ADGRE5: variants seen among roughly 807,000 people sequenced by gnomAD.
ADGRE5 encodes adhesion G protein-coupled receptor E5, also known as CD97 molecule.
A neutral mutation model predicts 100.3 loss-of-function variants in ADGRE5; 72 were observed. The observed-to-expected ratio is 0.72, with a 90% CI of 0.59 to 0.87. The LOEUF (loss-of-function observed/expected upper bound fraction) is 0.87. Among genes scored for constraint, ADGRE5 ranks in the 40% least tolerant of loss-of-function variants. The probability of loss-of-function intolerance (pLI) is 0.00; values close to 1 mark genes in which losing one functional copy is unlikely to be tolerated. For missense variants in ADGRE5, 959 were observed against 1,094.7 expected, an observed-to-expected ratio of 0.88 and a Z score of 1.75; for synonymous variants, 439 against 447.8, an observed-to-expected ratio of 0.98 and a Z score of 0.25.
chr19:14,386,749 C>T (rs1975372118), intron 1 of ADGRE5, among the ~76,000 whole-genome samples: 1 of 147,278 alleles, frequency 6.8e-6, no homozygotes, highest in African/African-American at 2.5e-5. Flanking sequence ...CACGGTGGCT[C>T]ACGCCTGTAA....
chr19:14,388,250 A>G (rs2146348172), intron 1 of ADGRE5, among the ~76,000 whole-genome samples, 200 bp from the exon 2 acceptor site: 2 of 151,850 alleles, frequency 1.3e-5, no homozygotes, highest in Middle Eastern at 3.4e-3. Context: ...AAAACAAAAA[A>G]ACCCGCCCCT....
chr19:14,401,649 T>C lies in ADGRE5; in HGVS notation c.1076-4T>C. 6.2e-7 allele frequency: 1 copy of C among 1,601,156 alleles called. No individual in the cohort carries two copies. Among genetic ancestry groups the C allele is most frequent in the Non-Finnish European group, 8.5e-7 (1 of 1,173,484 alleles). On this transcript the variant is annotated splice_polypyrimidine_tract_variant and splice_region_variant and intron_variant, in intron 10 of 19. Coordinates refer to ENST00000242786, the MANE Select transcript of ADGRE5 (RefSeq NM_078481.4). The surrounding 1 kb of genome is among the most constrained non-coding windows in gnomAD (Gnocchi z 4.1). Reference sequence around the variant, plus strand: ...CCTAATCACAACTGCCCCTCTCCCCTCAGAGCTGACCCTGATGATCCAGGA... The same window carrying C: ...CCTAATCACAACTGCCCCTCTCCCCCCAGAGCTGACCCTGATGATCCAGGA...
chr19:14,401,817 G>T lies in ADGRE5; in HGVS notation c.1183+57G>T. 8.2e-7 allele frequency: 1 copy of T among 1,225,786 alleles called. No homozygotes were observed. The highest frequency in any genetic ancestry group is 1.5e-5 in the South Asian group (1 of 66,692). 75.9% of individuals were successfully genotyped at this position (1,225,786 alleles called of 1,614,324 possible). A position where few individuals can be genotyped will look rare whatever the true frequency, so the allele number is the denominator to read the frequency against. On this transcript the variant is annotated intron_variant, in intron 11 of 19. Coordinates refer to ENST00000242786, the MANE Select transcript of ADGRE5 (RefSeq NM_078481.4). This position sits in a 1 kb window ranked among gnomAD's most constrained non-coding sequence, Gnocchi z 4.1. ...GGGAGAGAGATGGAGGTGCTGGGAT[G>T]GGGCCAGGGTGAGGTTCAGAATAGA...
chr19:14,385,769 A>ATTT (rs756579925), intron 1 of ADGRE5, among the ~76,000 whole-genome samples: 8 of 131,866 alleles, frequency 6.1e-5, no homozygotes, highest in African/African-American at 2.2e-4. Context: ...CAACACCGTC[A>ATTT]TTTTTTTTTT....
At chr19:14,399,681 G>T (rs994270586) in intron 9 of ADGRE5, among the ~76,000 whole-genome samples, 1 of 150,728 alleles carries the variant, frequency 6.6e-6, no homozygotes, top group Non-Finnish European at 1.5e-5. Flanking sequence ...GGCAGAGGTT[G>T]CAGTGAGCCA....
chr19:14,408,016 G>A lies in ADGRE5; in HGVS notation c.2478+7G>A, dbSNP rs375843291. ...TGGCCACAATCAGACCCGGGTAAGGGGCTGCGCCTGGGGCGGGTGTGGGCA... is the reference window on the plus strand; with the variant it reads ...TGGCCACAATCAGACCCGGGTAAGGAGCTGCGCCTGGGGCGGGTGTGGGCA... On this transcript the variant is annotated splice_region_variant and intron_variant, in intron 19 of 19. Transcript: ENST00000242786. 18 of 1,614,036 alleles carry A rather than the reference G, an allele frequency of 1.1e-5. No homozygotes were observed. The African/African-American group carries it at 2.4e-4, about 22-fold the overall frequency.
In ADGRE5 at chr19:14,397,208, A is replaced by G. The variant is rs1229305607; in HGVS notation, c.610A>G (p.Asn204Asp). ...TCCGGGGTCCCCCAATGGCCCAAACAATACCGTCTGTGAAGGTCGAGAGCT... is the reference window on the plus strand; with the variant it reads ...TCCGGGGTCCCCCAATGGCCCAAACGATACCGTCTGTGAAGGTCGAGAGCT... ...PIPGSPNGPN[N>D]TVCEDVDECS... The change falls in exon 6 of 20, where the codon AAT (asparagine) becomes GAT (aspartate). Residue 204 changes from asparagine to aspartate, a missense_variant. Coordinates refer to ENST00000242786, the MANE Select transcript of ADGRE5 (RefSeq NM_078481.4). 1 of 1,613,966 alleles carries G rather than the reference A, an allele frequency of 6.2e-7. No individual in the cohort carries two copies.
chr19:14,395,940 C>T (rs1054823587), intron 4 of ADGRE5, among the ~76,000 whole-genome samples: 1 of 152,206 alleles, frequency 6.6e-6, no homozygotes, highest in Non-Finnish European at 1.5e-5. Flanking sequence ...ATTTGGCCAG[C>T]GAGCGGCCGT....
chr19:14,396,879 T>C (rs1975800592), intron 5 of ADGRE5, among the ~76,000 whole-genome samples, 198 bp from the exon 6 acceptor site: 1 of 152,196 alleles, frequency 6.6e-6, no homozygotes, highest in Non-Finnish European at 1.5e-5. Flanking sequence ...CTGGGGACCA[T>C]GGTCCCTGCT....
intron 13 of ADGRE5, 163 bp from the exon 14 acceptor site, chr19:14,405,585 C>G: frequency 1.6e-6 from 1 of 610,100 alleles, no homozygotes. Context: ...TGTGAAATCC[C>G]TAGACTCCCC....
chr19:14,408,698 TTAAAATTAAACACATGCATACA>T lies in ADGRE5; in HGVS notation c.*578_*599del. ...TGTTAAAATTTTTCAGTGTTGACAC[TTAAAATTAAACACATGCATACA>T]GAAGATGGCCTTGCCTGCTGGTGGT... On this transcript the variant is annotated 3_prime_UTR_variant, in exon 20 of 20. Transcript: ENST00000242786. 5.3e-6 allele frequency: 3 copies of T among 566,922 alleles called. No homozygotes were observed. The highest frequency in any genetic ancestry group is 3.0e-6 in the Non-Finnish European group (1 of 336,300). The allele number at this position is 566,922 out of a possible 1,614,324, so 35.1% of individuals were successfully genotyped here.
intron 4 of ADGRE5, among the ~76,000 whole-genome samples, chr19:14,392,103 GA>G (rs571212543): frequency 0.18 from 11,906 of 64,510 alleles, 724 homozygotes; most frequent in African/African-American, 0.29. Context: ...GACTCTGTCT[GA>G]AAAAAAAAAA....
Position 14,401,750 on chromosome 19 carries a change from C to T in ADGRE5, c.1173C>T (p.Ala391=), listed in dbSNP as rs775192070. The T allele has an allele frequency of 5.8e-6, 9 of 1,552,426 alleles. No homozygotes were observed. Among genetic ancestry groups the T allele is most frequent in the South Asian group, 2.5e-5 (2 of 80,722 alleles). The change falls in exon 11 of 20, where the codon GCC becomes GCT. Residue 391 remains alanine, a synonymous_variant. Coordinates refer to ENST00000242786, the MANE Select transcript of ADGRE5 (RefSeq NM_078481.4). This position sits in a 1 kb window ranked among gnomAD's most constrained non-coding sequence, Gnocchi z 4.1. ...TGAATTGGGCTGTGGCAGCTGGAGC[C>T]GAGGATCCAGGTAGCAGCGGTGGTC... ...MKLNWAVAAG[A]EDPGPAVAGI... is the part of the protein sequence containing the mutation.
At chr19:14,391,413 A>G in intron 4 of ADGRE5, 1 of 303,386 alleles carries the variant, frequency 3.3e-6, no homozygotes. Flanking sequence ...CTGAGGCGGG[A>G]GGATCTCTTG....
Position 14,406,334 on chromosome 19 carries a change from G to T in ADGRE5, c.1825G>T (p.Gly609Trp). 1 of 1,562,222 alleles carries T rather than the reference G, an allele frequency of 6.4e-7. No homozygotes were observed. The highest frequency in any genetic ancestry group is 8.6e-7 in the Non-Finnish European group (1 of 1,156,808). ...CCCCTCCGTCCCCGCCCCGCAGGTG[G>T]GGCTGCGCTGCCGCCTGGTGGCCGG... ...AGIENEGGQV[G>W]LRCRLVAGLL... is the part of the protein sequence containing the mutation. The change falls in exon 15 of 20, where the codon GGG becomes TGG. Residue 609 changes from glycine (G) to tryptophan (W), a missense_variant. Physicochemically the swap from Gly to Trp is radical, Grantham distance 184. This residue lies in a region of ADGRE5 where 428 missense variants were observed against 386.2 expected (regional missense o/e 1.11). Transcript: ENST00000242786. The surrounding 1 kb of genome is among the most constrained non-coding windows in gnomAD (Gnocchi z 6.0).
intron 1 of ADGRE5, among the ~76,000 whole-genome samples, chr19:14,383,303 G>A (rs1454952961): frequency 6.6e-6 from 1 of 151,906 alleles, no homozygotes; most frequent in East Asian, 1.9e-4. Context: ...TCAGGAGTTC[G>A]AGACCAGCCT....
In ADGRE5 at chr19:14,406,365, T is replaced by G; in HGVS notation, c.1856T>G (p.Leu619Arg). 1.3e-6 allele frequency: 2 copies of G among 1,583,362 alleles called. No homozygotes were observed. The highest frequency in any genetic ancestry group is 1.7e-6 in the Non-Finnish European group (2 of 1,166,206). ...GLRCRLVAGL[L>R]HYCFLAAFCW... Reference sequence around the variant, plus strand: ...CGCTGCCGCCTGGTGGCCGGGCTGCTGCACTACTGTTTCCTGGCCGCCTTC... The same window carrying G: ...CGCTGCCGCCTGGTGGCCGGGCTGCGGCACTACTGTTTCCTGGCCGCCTTC... The change falls in exon 15 of 20, where the codon CTG (leucine) becomes CGG (arginine). Residue 619 changes from leucine (L) to arginine (R), a missense_variant. By Grantham distance (102) the Leu-to-Arg change is moderately radical (BLOSUM62 -2). Coordinates refer to ENST00000242786, the MANE Select transcript of ADGRE5 (RefSeq NM_078481.4). This position sits in a 1 kb window ranked among gnomAD's most constrained non-coding sequence, Gnocchi z 6.0.
Position 14,387,145 on chromosome 19 carries a change from T to A in ADGRE5, c.23-1305T>A, listed in dbSNP as rs1398212816. 2.0e-5 allele frequency among the ~76,000 whole-genome samples: 3 copies of A among 152,294 alleles called. No homozygotes were observed. The East Asian group carries it at 5.8e-4, about 29-fold the overall frequency. On this transcript the variant is annotated intron_variant, in intron 1 of 19. Coordinates refer to ENST00000242786, the MANE Select transcript of ADGRE5 (RefSeq NM_078481.4). ...CTACACTGGGGAGTGGGCGCCATCA[T>A]CCCTATTCTACAGAGGGAAACTGAG...
intron 13 of ADGRE5, 29 bp from the exon 14 acceptor site, chr19:14,405,719 G>C: frequency 1.3e-6 from 2 of 1,579,418 alleles, no homozygotes; most frequent in Non-Finnish European, 1.7e-6. Flanking sequence ...TGCCCTGAAG[G>C]AACCCTGAGC....
Sources: allele counts gnomAD v4.1 joint callset (sites outside exome capture counted in the v4.1 genomes callset), GRCh38; gene constraint gnomAD v4.1.1; regional missense constraint gnomAD v4.1.1; non-coding constraint Gnocchi (gnomAD v3.1); transcripts MANE v1.5; gene names NCBI Gene and HGNC (gene_info 2026-07-23, HGNC 2026-07-21).